ERCC6L2: variants seen among roughly 807,000 people sequenced by gnomAD.
ERCC6L2 encodes DNA excision repair protein ERCC-6-like 2.
A neutral mutation model predicts 132.0 loss-of-function variants in ERCC6L2; 77 were observed. The ratio of observed to expected loss-of-function variants is 0.58; its 90% CI spans 0.49 to 0.71. ERCC6L2 has a LOEUF of 0.71. Ranked by LOEUF, ERCC6L2 falls within the 30% of genes least tolerant of loss-of-function variation. The probability of loss-of-function intolerance (pLI) is 0.00; values close to 1 mark genes in which losing one functional copy is unlikely to be tolerated. For missense variants in ERCC6L2, 1,542 were observed against 1,837.6 expected, an observed-to-expected ratio of 0.84 and a Z score of 2.94; for synonymous variants, 583 against 632.4, an observed-to-expected ratio of 0.92 and a Z score of 1.17.
chr9:95,913,466 C>T (rs1203082411), intron 4 of ERCC6L2, among the ~76,000 whole-genome samples: 1 of 152,022 alleles, frequency 6.6e-6, no homozygotes, highest in African/African-American at 2.4e-5. Context: ...TGCCCGCTTG[C>T]TTGCTTTCTC....
At chr9:95,882,876 C>T (rs1026841049) in intron 2 of ERCC6L2, among the ~76,000 whole-genome samples, 1 of 152,158 alleles carries the variant, frequency 6.6e-6, no homozygotes, top group African/African-American at 2.4e-5. Context: ...GTTTATTCCA[C>T]AAACTATCAT....
Position 95,922,413 on chromosome 9 carries a change from C to T in ERCC6L2, c.1408C>T (p.Gln470Ter), listed in dbSNP as rs1258976358. ...ALLQAASTSK[Q>*]QETLIKRICD... ...ACTGCAAGCTGCTAGTACTTCCAAA[C>T]AACAGGTTTGGTTAGCATTTTACAT... The change falls in exon 8 of 19, where the codon CAA becomes TAA. Residue 470 changes from glutamine to a stop codon, truncating the protein, a stop_gained. Coordinates refer to ENST00000653738, the MANE Select transcript of ERCC6L2 (RefSeq NM_020207.7). LOFTEE classifies it high-confidence loss of function. 6.3e-7 allele frequency: 1 copy of T among 1,594,256 alleles called. No homozygotes were observed. The highest frequency in any genetic ancestry group is 1.7e-5 in the Admixed American group (1 of 59,742).
chr9:96,005,854 T>C (rs1833846194), intron 18 of ERCC6L2, among the ~76,000 whole-genome samples: 2 of 152,132 alleles, frequency 1.3e-5, no homozygotes, highest in Non-Finnish European at 2.9e-5. Context: ...AACTCGGTGA[T>C]GGGGGTTTGT....
At chr9:95,930,172 A>G (rs1388619272) in intron 11 of ERCC6L2, among the ~76,000 whole-genome samples, 2 of 151,656 alleles carry the variant, frequency 1.3e-5, no homozygotes, top group African/African-American at 4.8e-5. Context: ...TTTTGAGCTT[A>G]TCTTCAATGG....
At chr9:95,890,025 T>G (rs1828075243) in intron 2 of ERCC6L2, among the ~76,000 whole-genome samples, 2 of 152,212 alleles carry the variant, frequency 1.3e-5, no homozygotes, top group African/African-American at 4.8e-5. Context: ...GTTTATTTTC[T>G]GTTCATTTGT....
At chr9:95,941,616 T>A in intron 12 of ERCC6L2, 67 bp downstream of exon 12, 2 of 1,172,200 alleles carry the variant, frequency 1.7e-6, no homozygotes, top group South Asian at 1.3e-5. Flanking sequence ...CTTGAACTTT[T>A]AAGGTTGCTT....
chr9:95,902,121 C>T (rs542145404), intron 3 of ERCC6L2, among the ~76,000 whole-genome samples: 6 of 150,814 alleles, frequency 4.0e-5, no homozygotes, highest in Non-Finnish European at 7.4e-5. Flanking sequence ...ATCTCATATA[C>T]ATTTAAAAAC....
intron 17 of ERCC6L2, among the ~76,000 whole-genome samples, chr9:95,994,661 G>A (rs1316501100): frequency 3.3e-5 from 5 of 152,194 alleles, no homozygotes; most frequent in Admixed American, 3.3e-4. Flanking sequence ...GAGCAGGGGA[G>A]AATGAATCAG....
Position 95,997,624 on chromosome 9 carries a change from A to G in ERCC6L2, c.3493-6896A>G, listed in dbSNP as rs185190093. Among the ~76,000 whole-genome samples, 28 of 152,326 alleles carry G rather than the reference A, an allele frequency of 1.8e-4. No individual in the cohort carries two copies. In the East Asian group the frequency reaches 3.9e-3, roughly 21 times the overall value. ...TTTTATATGTACTGACAAACCAAAA[A>G]ATTTGTGGTGGTGGTCCAGGACCAA... On this transcript the variant is annotated intron_variant, in intron 17 of 18. Transcript: ENST00000653738.
intron 17 of ERCC6L2, among the ~76,000 whole-genome samples, chr9:96,000,307 T>TTG (rs1421223724): frequency 6.6e-6 from 1 of 152,220 alleles, no homozygotes; most frequent in African/African-American, 2.4e-5. Context: ...ACAGTAGCTT[T>TTG]TGAACATGTC....
chr9:96,000,642 AT>A (rs2133189668), intron 17 of ERCC6L2, among the ~76,000 whole-genome samples: 1 of 152,272 alleles, frequency 6.6e-6, no homozygotes, highest in South Asian at 2.1e-4. Flanking sequence ...TTGAACTTCT[AT>A]TAAAAAAAAG....
chr9:95,950,046 C>A (rs1479587000), intron 12 of ERCC6L2, among the ~76,000 whole-genome samples: 2 of 150,890 alleles, frequency 1.3e-5, no homozygotes, highest in African/African-American at 4.9e-5. Context: ...AAAGGGAGAA[C>A]TTCAAGATGA....
chr9:95,961,146 C>T (rs1274518318), intron 13 of ERCC6L2, among the ~76,000 whole-genome samples: 1 of 152,062 alleles, frequency 6.6e-6, no homozygotes, highest in East Asian at 1.9e-4. Context: ...AGGTTGAAGT[C>T]CTAACCCTTG....
At chr9:95,916,936 C>T (rs747471489) in intron 6 of ERCC6L2, among the ~76,000 whole-genome samples, 11 of 152,076 alleles carry the variant, frequency 7.2e-5, no homozygotes, top group East Asian at 1.9e-4. Context: ...CCACCTGCCT[C>T]GGTCTCCCAA....
chr9:96,012,979 G>T lies in ERCC6L2; in HGVS notation c.4429G>T (p.Asp1477Tyr), dbSNP rs1168090607. 7.3e-7 allele frequency: 1 copy of T among 1,367,280 alleles called. No individual in the cohort carries two copies. The highest frequency in any genetic ancestry group is 9.8e-7 in the Non-Finnish European group (1 of 1,021,728). 84.7% of individuals were successfully genotyped at this position (1,367,280 alleles called of 1,614,324 possible). The change falls in exon 19 of 19, where the codon GAT (aspartate) becomes TAT (tyrosine). Residue 1477 changes from aspartate to tyrosine, a missense_variant. Physicochemically the swap from Asp to Tyr is radical, Grantham distance 160. Around this residue, in one of 4 missense-constraint regions of ERCC6L2, gnomAD observed 442 missense variants for 583.4 expected, o/e 0.76. Transcript: ENST00000653738. ...GGAAAAAGCAAAACAGAGACCAAAA[G>T]ATTTCTGGGACATCTTGAATGAGCA... ...PMEKAKQRPK[D>Y]FWDILNEQND...
At chr9:95,935,009 T>C (rs1376262576) in intron 11 of ERCC6L2, among the ~76,000 whole-genome samples, 1 of 152,228 alleles carries the variant, frequency 6.6e-6, no homozygotes, top group Non-Finnish European at 1.5e-5. Context: ...CTGCCTTTAC[T>C]GCTTTATTTT....
At chr9:96,021,002 C>A, downstream of ERCC6L2, 1 of 456,472 alleles carries the variant, frequency 2.2e-6, no homozygotes, top group Non-Finnish European at 4.4e-6. The surrounding 1 kb of genome is among the most constrained non-coding windows in gnomAD (Gnocchi z 4.7). Context: ...ACTGTTGGAC[C>A]AAAAGTCCTC....
chr9:95,918,870 G>C (rs56379566), intron 6 of ERCC6L2, among the ~76,000 whole-genome samples: 8 of 151,856 alleles, frequency 5.3e-5, no homozygotes, highest in African/African-American at 1.7e-4. Flanking sequence ...TACAAATTGT[G>C]TCTGTTTTTT....
At chr9:95,988,316 C>A (rs992542376) in intron 17 of ERCC6L2, among the ~76,000 whole-genome samples, 10 of 152,140 alleles carry the variant, frequency 6.6e-5, no homozygotes, top group African/African-American at 2.4e-4. Context: ...GAAGATAATA[C>A]CCCTTTAGTA....
Sources: allele counts gnomAD v4.1 joint callset (sites outside exome capture counted in the v4.1 genomes callset), GRCh38; gene constraint gnomAD v4.1.1; regional missense constraint gnomAD v4.1.1; non-coding constraint Gnocchi (gnomAD v3.1); transcripts MANE v1.5; gene names NCBI Gene and HGNC (gene_info 2026-07-23, HGNC 2026-07-21).